Variants in PRKCB observed in about 807,000 individuals in gnomAD.
The protein encoded by PRKCB is protein kinase C beta.
In PRKCB, 13 loss-of-function variants were observed where a neutral mutation model predicts 81.5. That is an observed-to-expected ratio of 0.16 (90% CI 0.10 to 0.25). The LOEUF is 0.25. PRKCB is among the 10% of genes least tolerant of loss of function. The pLI, the probability that PRKCB is intolerant of heterozygous loss-of-function variation, is 1.00. For missense variants in PRKCB, 509 were observed against 875.7 expected (o/e 0.58, Z 5.29); for synonymous variants, 335 against 321.4 (o/e 1.04, Z -0.45).
At chr16:24,004,758 A>G (rs1965093933) in intron 3 of PRKCB, among the ~76,000 whole-genome samples, 1 of 152,224 alleles carries the variant, frequency 6.6e-6, no homozygotes, top group Non-Finnish European at 1.5e-5. Context: ...CTAAAGAGCA[A>G]ATTTTCCATA....
chr16:24,144,686 C>G (rs1203001046), intron 9 of PRKCB, among the ~76,000 whole-genome samples: 9 of 152,214 alleles, frequency 5.9e-5, no homozygotes, highest in Non-Finnish European at 1.3e-4. Context: ...AATGATCCCT[C>G]AAATTCTTTG....
intron 9 of PRKCB, among the ~76,000 whole-genome samples, chr16:24,143,344 G>C (rs528260329): frequency 2.0e-5 from 3 of 152,096 alleles, no homozygotes; most frequent in Non-Finnish European, 4.4e-5. Context: ...TGTTGGCCAG[G>C]CTGTTCTTGA....
At chr16:23,862,529 C>T (rs1962687769) in intron 2 of PRKCB, among the ~76,000 whole-genome samples, 1 of 152,218 alleles carries the variant, frequency 6.6e-6, no homozygotes, top group Admixed American at 6.5e-5. Flanking sequence ...CCATTCCCTT[C>T]TTCCAAGTTT....
chr16:24,095,381 G>T (rs1338047307), intron 7 of PRKCB, among the ~76,000 whole-genome samples: 1 of 152,126 alleles, frequency 6.6e-6, no homozygotes, highest in African/African-American at 2.4e-5. Context: ...TAATAGGGGT[G>T]TGAAAAATGG....
intron 2 of PRKCB, among the ~76,000 whole-genome samples, chr16:23,850,478 G>A (rs1469660702): frequency 6.6e-6 from 1 of 152,062 alleles, no homozygotes; most frequent in East Asian, 1.9e-4. Context: ...ACATTCTCCT[G>A]CCTCGGCCTC....
chr16:24,033,921 A>G (rs185764583), intron 4 of PRKCB, among the ~76,000 whole-genome samples: 1 of 152,240 alleles, frequency 6.6e-6, no homozygotes, highest in East Asian at 1.9e-4. Flanking sequence ...AGAGAGACAC[A>G]GTTGGAGAAA....
chr16:24,118,670 AT>A lies in PRKCB; in HGVS notation c.919-5162del, dbSNP rs1283825834. The stretch of plus-strand genomic sequence containing the variant: ...GCTTGGCTCTTTGCTCAGAAATGCT[AT>A]TTGCTTTCTCTCTTAGCATTGAGTT... On this transcript the variant is annotated intron_variant, in intron 8 of 16. Coordinates refer to ENST00000643927, the MANE Select transcript of PRKCB (RefSeq NM_002738.7). Among the ~76,000 whole-genome samples, 29 of 152,202 alleles carry A rather than the reference AT, an allele frequency of 1.9e-4. No homozygotes were observed. In the East Asian group the frequency reaches 5.4e-3, roughly 28 times the overall value.
intron 9 of PRKCB, among the ~76,000 whole-genome samples, chr16:24,148,482 T>A (rs963200944): frequency 6.6e-6 from 1 of 152,220 alleles, no homozygotes; most frequent in Non-Finnish European, 1.5e-5. Context: ...ACTGAAAGAA[T>A]TGTCTAGTCT....
At chr16:24,041,593 C>T (rs2141862366) in intron 5 of PRKCB, among the ~76,000 whole-genome samples, 1 of 151,722 alleles carries the variant, frequency 6.6e-6, no homozygotes. Context: ...TTGTGTTATA[C>T]AGAAACTTTT....
chr16:23,995,664 T>C (rs1009074154), intron 3 of PRKCB, among the ~76,000 whole-genome samples: 1 of 151,742 alleles, frequency 6.6e-6, no homozygotes, highest in Non-Finnish European at 1.5e-5. Flanking sequence ...CATCATCAAA[T>C]GGAAGTGGTA....
At chr16:24,141,719 T>C (rs1966904504) in intron 9 of PRKCB, among the ~76,000 whole-genome samples, 1 of 152,186 alleles carries the variant, frequency 6.6e-6, no homozygotes, top group Non-Finnish European at 1.5e-5. Flanking sequence ...GCTGGTTTTG[T>C]AGGGAAATCC....
intron 2 of PRKCB, among the ~76,000 whole-genome samples, chr16:23,914,615 C>T (rs11074588): frequency 6.6e-6 from 1 of 152,148 alleles, no homozygotes. Flanking sequence ...CCCATAAGTG[C>T]GGATGACATA....
chr16:24,160,192 T>G (rs1363378346), intron 10 of PRKCB, among the ~76,000 whole-genome samples: 5 of 7,752 alleles, frequency 6.4e-4, no homozygotes, highest in East Asian at 0.031. Context: ...CTTTGGGTGT[T>G]TTTTTTTTTT....
chr16:24,120,311 C>T (rs1312655564), intron 8 of PRKCB, among the ~76,000 whole-genome samples: 3 of 152,046 alleles, frequency 2.0e-5, no homozygotes, highest in Non-Finnish European at 2.9e-5. Flanking sequence ...GAACTGTGCA[C>T]GTGAGATTGG....
At chr16:23,985,317 G>A (rs1964790685) in intron 2 of PRKCB, among the ~76,000 whole-genome samples, 2 of 152,042 alleles carry the variant, frequency 1.3e-5, no homozygotes, top group Admixed American at 6.5e-5. Flanking sequence ...GGCTGGTCTC[G>A]AACTTCTGGC....
chr16:24,010,613 G>T (rs1054652771), intron 3 of PRKCB, among the ~76,000 whole-genome samples: 3 of 152,150 alleles, frequency 2.0e-5, no homozygotes, highest in Non-Finnish European at 4.4e-5. Flanking sequence ...CTCTAAATTG[G>T]CTGGGACATA....
intron 2 of PRKCB, among the ~76,000 whole-genome samples, chr16:23,914,148 C>T (rs1597243103): frequency 6.6e-6 from 1 of 152,196 alleles, no homozygotes; most frequent in African/African-American, 2.4e-5. Flanking sequence ...GCTGAGACTA[C>T]AGGCATGTGC....
At chr16:24,213,020 A>G (rs1567415036) in intron 16 of PRKCB, among the ~76,000 whole-genome samples, 1 of 149,198 alleles carries the variant, frequency 6.7e-6, no homozygotes, top group Non-Finnish European at 1.5e-5. Context: ...TTATTTATTT[A>G]TTTATTTATT....
chr16:24,119,239 G>A (rs889942969), intron 8 of PRKCB, among the ~76,000 whole-genome samples: 1 of 151,946 alleles, frequency 6.6e-6, no homozygotes, highest in African/African-American at 2.4e-5. Flanking sequence ...GAGGAAAGAG[G>A]GGTGCCAGCC....
Sources: gnomAD v4.1 joint callset for allele counts (sites outside exome capture counted in the v4.1 genomes callset) on GRCh38, gnomAD v4.1.1 for gene constraint, MANE v1.5 for transcripts, NCBI Gene and HGNC (gene_info 2026-07-23, HGNC 2026-07-21) for gene names.